ARHGAP24: variants seen among roughly 807,000 people sequenced by gnomAD.
ARHGAP24 encodes the protein rho GTPase-activating protein 24.
A neutral mutation model predicts 76.4 loss-of-function variants in ARHGAP24; 50 were observed. The observed-to-expected ratio is 0.65, with a 90% CI of 0.52 to 0.83. ARHGAP24 has a LOEUF of 0.83. Ranked by LOEUF, ARHGAP24 falls within the 40% of genes least tolerant of loss-of-function variation. The pLI is 0.00. For missense variants in ARHGAP24, 930 were observed against 914.2 expected, an observed-to-expected ratio of 1.02 and a Z score of -0.22; for synonymous variants, 345 against 323.3, an observed-to-expected ratio of 1.07 and a Z score of -0.72.
At chr4:85,793,137 A>G (rs1459046396) in intron 3 of ARHGAP24, among the ~76,000 whole-genome samples, 1 of 152,078 alleles carries the variant, frequency 6.6e-6, no homozygotes, top group Non-Finnish European at 1.5e-5. Context: ...ACCATTCACT[A>G]CCCTCTACCT....
chr4:85,608,551 G>GTTTT (rs141361475), intron 2 of ARHGAP24, among the ~76,000 whole-genome samples: 45 of 73,204 alleles, frequency 6.1e-4, no homozygotes, highest in Non-Finnish European at 7.8e-4. Context: ...TTGTTTGGTT[G>GTTTT]TTTTTTTTTT....
Position 85,475,187 on chromosome 4 carries a change from A to T in ARHGAP24, c.-393A>T, listed in dbSNP as rs1055286322. 2.0e-5 allele frequency: 3 copies of T among 152,434 alleles called. No individual in the cohort carries two copies. The highest frequency in any genetic ancestry group is 7.2e-5 in the African/African-American group (3 of 41,456). The allele number at this position is 152,434 out of a possible 1,614,324, so 9.4% of individuals were successfully genotyped here. A position where few individuals can be genotyped will look rare whatever the true frequency, so the allele number is the denominator to read the frequency against. On this transcript the variant is annotated 5_prime_UTR_variant, in exon 1 of 10. Transcript: ENST00000395184. ...TGGGACTCTTTGCGCAACTGCTAGG[A>T]TTTCTCAAGTGCATGTGGCAACACA...
At chr4:85,978,830 A>G (rs957809916) in intron 8 of ARHGAP24, among the ~76,000 whole-genome samples, 1 of 152,218 alleles carries the variant, frequency 6.6e-6, no homozygotes, top group African/African-American at 2.4e-5. Context: ...GCCCTGACCC[A>G]ATCCCAGTGT....
intron 1 of ARHGAP24, among the ~76,000 whole-genome samples, chr4:85,490,942 C>T (rs1406858404): frequency 6.6e-6 from 1 of 152,142 alleles, no homozygotes; most frequent in Non-Finnish European, 1.5e-5. Context: ...TATGTTTATT[C>T]CAACACAAAT....
chr4:85,666,134 C>G (rs1452371207), intron 2 of ARHGAP24, among the ~76,000 whole-genome samples: 1 of 152,060 alleles, frequency 6.6e-6, no homozygotes, highest in African/African-American at 2.4e-5. Flanking sequence ...TCCATTCTGC[C>G]CATCACTTTC....
intron 3 of ARHGAP24, among the ~76,000 whole-genome samples, chr4:85,920,493 C>G (rs1255559263): frequency 6.6e-6 from 1 of 152,056 alleles, no homozygotes; most frequent in African/African-American, 2.4e-5. Context: ...GATGAAAATG[C>G]CAAAAGCAAT....
chr4:85,709,654 C>T (rs904442325), intron 2 of ARHGAP24, among the ~76,000 whole-genome samples: 28 of 152,120 alleles, frequency 1.8e-4, no homozygotes, highest in African/African-American at 6.5e-4. Context: ...AAGGAAATCT[C>T]CTTCACCTGA....
At chr4:85,841,279 T>A (rs548794104) in intron 3 of ARHGAP24, among the ~76,000 whole-genome samples, 1 of 152,336 alleles carries the variant, frequency 6.6e-6, no homozygotes, top group African/African-American at 2.4e-5. Flanking sequence ...GATTGAAAAT[T>A]GTATAAAATG....
intron 3 of ARHGAP24, among the ~76,000 whole-genome samples, chr4:85,824,092 A>G (rs1729600487): frequency 6.6e-6 from 1 of 152,198 alleles, no homozygotes; most frequent in African/African-American, 2.4e-5. Context: ...GTTTAATTTC[A>G]TGGTTTTAAC....
At chr4:85,565,341 C>T (rs1225609461) in intron 1 of ARHGAP24, among the ~76,000 whole-genome samples, 1 of 152,110 alleles carries the variant, frequency 6.6e-6, no homozygotes, top group African/African-American at 2.4e-5. Flanking sequence ...CAAATTTCTT[C>T]TCAAAGTCCC....
chr4:85,836,223 TAGG>T (rs1294050016), intron 3 of ARHGAP24, among the ~76,000 whole-genome samples: 1 of 152,172 alleles, frequency 6.6e-6, no homozygotes, highest in African/African-American at 2.4e-5. Flanking sequence ...TGTCACAGAG[TAGG>T]AGAATGAAGT....
intron 3 of ARHGAP24, among the ~76,000 whole-genome samples, chr4:85,806,679 G>A (rs1297606568): frequency 6.6e-6 from 1 of 152,098 alleles, no homozygotes; most frequent in African/African-American, 2.4e-5. Context: ...AAATAAAGAT[G>A]TTCACCAGCT....
chr4:85,492,307 G>A (rs188761513), intron 1 of ARHGAP24, among the ~76,000 whole-genome samples: 39 of 151,812 alleles, frequency 2.6e-4, no homozygotes, highest in African/African-American at 8.9e-4. Flanking sequence ...CGATATCTTC[G>A]TTTCTTTTGG....
intron 3 of ARHGAP24, among the ~76,000 whole-genome samples, chr4:85,868,819 G>A (rs1425590368): frequency 6.6e-6 from 1 of 152,004 alleles, no homozygotes; most frequent in Non-Finnish European, 1.5e-5. Flanking sequence ...AGTTTAAAAA[G>A]AAAATCAACC....
chr4:85,930,979 T>C, intron 4 of ARHGAP24: 1 of 1,613,686 alleles, frequency 6.2e-7, no homozygotes, highest in Non-Finnish European at 8.5e-7. Context: ...TGCCTTAGCC[T>C]CAACTCCTTT....
At chr4:85,941,258 G>A (rs894354792) in intron 4 of ARHGAP24, among the ~76,000 whole-genome samples, 5 of 152,086 alleles carry the variant, frequency 3.3e-5, no homozygotes, top group African/African-American at 9.7e-5. Context: ...GTGAAATAGT[G>A]GCTGTTTTTG....
At chr4:85,992,881 A>ATCT (rs1402689669) in intron 8 of ARHGAP24, among the ~76,000 whole-genome samples, 2 of 152,162 alleles carry the variant, frequency 1.3e-5, no homozygotes, top group African/African-American at 4.8e-5. Context: ...CTTTATCTTT[A>ATCT]AAACTATCCC....
intron 2 of ARHGAP24, among the ~76,000 whole-genome samples, chr4:85,700,546 G>A (rs139346278): frequency 6.6e-6 from 1 of 152,174 alleles, no homozygotes; most frequent in East Asian, 1.9e-4. Flanking sequence ...CATCAATGGA[G>A]ATAGGAAGGA....
chr4:85,791,200 A>G (rs1469348654), intron 3 of ARHGAP24, among the ~76,000 whole-genome samples: 1 of 152,200 alleles, frequency 6.6e-6, no homozygotes, highest in Admixed American at 6.5e-5. Flanking sequence ...TAGGGTTAGA[A>G]CTAAATGTCC....
Sources: gnomAD v4.1 joint callset for allele counts (sites outside exome capture counted in the v4.1 genomes callset) on GRCh38, gnomAD v4.1.1 for gene constraint, MANE v1.5 for transcripts, NCBI Gene and HGNC (gene_info 2026-07-23, HGNC 2026-07-21) for gene names.